MRTFA: variants seen among roughly 807,000 people sequenced by gnomAD.
MRTFA encodes myocardin related transcription factor A.
Under a neutral mutation model 83.5 loss-of-function variants are expected in MRTFA, and 20 were observed. The observed-to-expected ratio is 0.24, with a 90% confidence interval of 0.17 to 0.35. The LOEUF (loss-of-function observed/expected upper bound fraction) is 0.35, where lower values mean the gene tolerates loss of function less well. MRTFA is among the 10% of genes least tolerant of loss of function. The probability of loss-of-function intolerance (pLI) is 1.00; values close to 1 mark genes in which losing one functional copy is unlikely to be tolerated. For synonymous variants in MRTFA, 659 were observed against 541.2 expected, an observed-to-expected ratio of 1.22 and a Z score of -3.02; for missense variants, 1,200 against 1,224.7, an observed-to-expected ratio of 0.98 and a Z score of 0.30.
intron 1 of MRTFA, among the ~76,000 whole-genome samples, chr22:40,610,137 C>A (rs563912636): frequency 1.3e-5 from 2 of 150,376 alleles, no homozygotes; most frequent in South Asian, 2.1e-4. Context: ...ACCTCCACCT[C>A]CTGGGTTCAG....
At position 40,550,048 on chromosome 22, in the gene MRTFA, C is replaced by CAA. The variant is rs3044559; in HGVS notation, c.241+2056_241+2057dup. ...TGGGCAACAGAGTGAGACTCTGTTG[C>CAA]AAAAAAAAAAAAAAAAAAAATTAAA... On this transcript the variant is annotated intron_variant, in intron 3 of 14. Transcript: ENST00000355630. 3.3e-3 allele frequency among the ~76,000 whole-genome samples: 425 copies of CAA among 130,228 alleles called. 1 individual carries two copies. Among genetic ancestry groups the CAA allele is most frequent in the African/African-American group, 8.2e-3 (293 of 35,846 alleles). The allele number at this position is 130,228 out of a possible 152,430, so 85.4% of individuals were successfully genotyped here.
chr22:40,571,349 AC>A (rs1291313780), intron 2 of MRTFA, among the ~76,000 whole-genome samples: 1 of 152,200 alleles, frequency 6.6e-6, no homozygotes, highest in Non-Finnish European at 1.5e-5. Context: ...AATCTTCATG[AC>A]CTTCAATTAG....
chr22:40,453,976 C>T (rs570496538), intron 4 of MRTFA, among the ~76,000 whole-genome samples: 2 of 152,284 alleles, frequency 1.3e-5, no homozygotes, highest in African/African-American at 2.4e-5. Context: ...GATAGTCCTG[C>T]TAATATATGA....
intron 3 of MRTFA, among the ~76,000 whole-genome samples, chr22:40,524,417 T>G (rs1308751080): frequency 1.6e-4 from 25 of 152,246 alleles, no homozygotes; most frequent in Non-Finnish European, 3.7e-4. Flanking sequence ...AACGTGTTGT[T>G]TTTTGACAGA....
intron 3 of MRTFA, among the ~76,000 whole-genome samples, chr22:40,518,797 A>C (rs2054807117): frequency 1.6e-5 from 1 of 64,230 alleles, no homozygotes. Context: ...TCTGTCTCCA[A>C]AAAAAAAAAA....
At chr22:40,615,955 G>C (rs888824411) in intron 1 of MRTFA, among the ~76,000 whole-genome samples, 1 of 152,036 alleles carries the variant, frequency 6.6e-6, no homozygotes, top group Non-Finnish European at 1.5e-5. Flanking sequence ...AAAGTGCTGG[G>C]ATTACAGGCG....
At chr22:40,554,131 T>C (rs1290759650) in intron 2 of MRTFA, among the ~76,000 whole-genome samples, 1 of 152,234 alleles carries the variant, frequency 6.6e-6, no homozygotes, top group Non-Finnish European at 1.5e-5. Context: ...ACTAACTTGC[T>C]TTCGATTTTA....
In MRTFA at chr22:40,510,450, C is replaced by T. The variant is rs577795734; in HGVS notation, c.241+41656G>A. ...ATAAATAATTGATTGAAATAAAACC[C>T]GAAATGTTCTCCAGAAACAGATTAA... On this transcript the variant is annotated intron_variant, in intron 3 of 14. Transcript: ENST00000355630. 2.2e-4 allele frequency among the ~76,000 whole-genome samples: 34 copies of T among 151,678 alleles called. No individual in the cohort carries two copies. The South Asian group carries it at 6.3e-3, about 28-fold the overall frequency.
At chr22:40,474,949 C>G (rs527576021) in intron 3 of MRTFA, among the ~76,000 whole-genome samples, 1 of 152,186 alleles carries the variant, frequency 6.6e-6, no homozygotes, top group African/African-American at 2.4e-5. Context: ...AGCTATTCTC[C>G]TGCCTCAGCC....
chr22:40,607,271 G>A (rs117849653), intron 1 of MRTFA, among the ~76,000 whole-genome samples: 2,380 of 152,226 alleles, frequency 0.016, 22 homozygotes, highest in Non-Finnish European at 0.026. Flanking sequence ...CTGGGAGGCC[G>A]AGGAGTGCAG....
intron 3 of MRTFA, among the ~76,000 whole-genome samples, chr22:40,516,422 G>GAAAAA (rs56745896): frequency 4.3e-5 from 2 of 46,996 alleles, no homozygotes; most frequent in African/African-American, 7.7e-5. Flanking sequence ...ACTGCCTCAA[G>GAAAAA]AAAAAAAAAA....
chr22:40,432,948 G>C (rs1179882980), intron 5 of MRTFA, among the ~76,000 whole-genome samples: 1 of 152,192 alleles, frequency 6.6e-6, no homozygotes, highest in Admixed American at 6.5e-5. Flanking sequence ...CTGACCAGTG[G>C]CCATGACTGA....
intron 4 of MRTFA, among the ~76,000 whole-genome samples, chr22:40,454,593 G>C (rs2053550521): frequency 6.6e-6 from 1 of 152,104 alleles, no homozygotes. Flanking sequence ...CATCTCATTT[G>C]ATCTCCAAAC....
chr22:40,567,659 T>C (rs1363588061), intron 2 of MRTFA, among the ~76,000 whole-genome samples: 2 of 152,118 alleles, frequency 1.3e-5, no homozygotes, highest in Admixed American at 1.3e-4. Flanking sequence ...ACAATAATAA[T>C]TCTGTTCAGG....
chr22:40,445,734 A>G (rs2053364491), intron 4 of MRTFA, among the ~76,000 whole-genome samples: 1 of 151,876 alleles, frequency 6.6e-6, no homozygotes. Context: ...ATTTTTAGTA[A>G]AGACGGGGTT....
intron 3 of MRTFA, among the ~76,000 whole-genome samples, chr22:40,479,349 T>A (rs1435249378): frequency 2.6e-5 from 4 of 152,050 alleles, no homozygotes; most frequent in African/African-American, 4.8e-5. Context: ...CAAATCAATC[T>A]GTGAGCCCTA....
At chr22:40,481,477 T>C (rs916827805) in intron 3 of MRTFA, among the ~76,000 whole-genome samples, 6 of 152,068 alleles carry the variant, frequency 3.9e-5, no homozygotes, top group Non-Finnish European at 8.8e-5. Flanking sequence ...GAACATATGC[T>C]CTAGCAGGGA....
rs543820051 is a variant in MRTFA at position 40,423,005 on chromosome 22, G to A, written c.927+531C>T. Reference sequence around the variant, plus strand: ...GCCAGGCAGCTCTGTGGAGCAGGGAGGACTCTGCATGAGCTCTTGGTGCAG... The same window carrying A: ...GCCAGGCAGCTCTGTGGAGCAGGGAAGACTCTGCATGAGCTCTTGGTGCAG... On this transcript the variant is annotated intron_variant, in intron 9 of 14. Transcript: ENST00000355630. Among the ~76,000 whole-genome samples the A allele has an allele frequency of 7.2e-5, 11 of 152,312 alleles. No homozygotes were observed. In the East Asian group the frequency reaches 2.1e-3, roughly 29 times the overall value.
intron 3 of MRTFA, among the ~76,000 whole-genome samples, chr22:40,551,510 A>C (rs1380372715): frequency 2.0e-5 from 3 of 152,042 alleles, no homozygotes; most frequent in African/African-American, 7.2e-5. Flanking sequence ...TGGGTCTACA[A>C]GTGTGTGCCA....
Sources: gnomAD v4.1 joint callset for allele counts (sites outside exome capture counted in the v4.1 genomes callset) on GRCh38, gnomAD v4.1.1 for gene constraint, MANE v1.5 for transcripts, NCBI Gene and HGNC (gene_info 2026-07-23, HGNC 2026-07-21) for gene names.